OPCML: variants seen among roughly 807,000 people sequenced by gnomAD.
The protein encoded by OPCML is opioid-binding protein/cell adhesion molecule.
In OPCML, 13 loss-of-function variants were observed where a neutral mutation model predicts 37.8. The observed-to-expected ratio is 0.34, with a 90% CI of 0.22 to 0.55. OPCML has a LOEUF of 0.55. Ranked by LOEUF, OPCML falls within the 20% of genes least tolerant of loss-of-function variation. The pLI, the probability that OPCML is intolerant of heterozygous loss-of-function variation, is 0.91. For synonymous variants in OPCML, 176 were observed against 168.8 expected, an observed-to-expected ratio of 1.04 and a Z score of -0.33; for missense variants, 341 against 435.6, an observed-to-expected ratio of 0.78 and a Z score of 1.93.
intron 2 of OPCML, among the ~76,000 whole-genome samples, chr11:132,812,631 G>A (rs1159652327): frequency 6.6e-6 from 1 of 152,104 alleles, no homozygotes; most frequent in African/African-American, 2.4e-5. Context: ...TATTAAAAGT[G>A]GATCCAACAT....
intron 2 of OPCML, among the ~76,000 whole-genome samples, chr11:132,936,789 G>A (rs1406601121): frequency 3.3e-5 from 5 of 152,158 alleles, no homozygotes; most frequent in Admixed American, 3.3e-4. Context: ...ACAAGGGCCT[G>A]AGAACGGATC....
chr11:133,006,907 G>A, intron 1 of OPCML: 3 of 985,436 alleles, frequency 3.0e-6, no homozygotes, highest in Non-Finnish European at 3.6e-6. Flanking sequence ...GGGCCACCTA[G>A]GCTGGTGTAG....
chr11:133,096,571 C>A (rs904372623), intron 1 of OPCML, among the ~76,000 whole-genome samples: 13 of 151,844 alleles, frequency 8.6e-5, no homozygotes, highest in African/African-American at 3.1e-4. Context: ...CTGAAAACAT[C>A]GATTAAAACA....
intron 2 of OPCML, among the ~76,000 whole-genome samples, chr11:132,707,492 T>C (rs1228704576): frequency 6.6e-6 from 1 of 152,196 alleles, no homozygotes; most frequent in Non-Finnish European, 1.5e-5. Flanking sequence ...TATGAGAATA[T>C]AGCAAATGAC....
chr11:132,960,296 G>A (rs1381039732), intron 1 of OPCML, among the ~76,000 whole-genome samples: 1 of 152,176 alleles, frequency 6.6e-6, no homozygotes, highest in Non-Finnish European at 1.5e-5. Flanking sequence ...GAAAGCCCCA[G>A]TCCTTCCCTT....
chr11:132,531,133 A>G (rs2096323899), intron 3 of OPCML, among the ~76,000 whole-genome samples: 1 of 151,902 alleles, frequency 6.6e-6, no homozygotes, highest in Non-Finnish European at 1.5e-5. Flanking sequence ...ACACATCTCT[A>G]CTCCTCAGTG....
intron 3 of OPCML, among the ~76,000 whole-genome samples, chr11:132,649,532 C>G (rs932674246): frequency 6.6e-6 from 1 of 152,050 alleles, no homozygotes; most frequent in African/African-American, 2.4e-5. Context: ...TGTGGGGACA[C>G]CCTCCCAGTG....
intron 1 of OPCML, among the ~76,000 whole-genome samples, chr11:133,430,139 C>T (rs951866939): frequency 5.9e-5 from 9 of 152,040 alleles, no homozygotes; most frequent in Admixed American, 1.3e-4. Context: ...ATACCGCTGA[C>T]AGATCAAATC....
At chr11:132,790,710 G>T (rs537225085) in intron 2 of OPCML, among the ~76,000 whole-genome samples, 1 of 152,300 alleles carries the variant, frequency 6.6e-6, no homozygotes, top group Admixed American at 6.5e-5. Context: ...GCAGATGCTA[G>T]GAAAGGTCTG....
intron 1 of OPCML, chr11:133,300,855 G>A (rs1311579055): frequency 6.6e-6 from 1 of 152,166 alleles, no homozygotes; most frequent in Admixed American, 6.6e-5. Context: ...GGATTGGTGC[G>A]GGCACAAGCC....
At chr11:132,475,611 A>G (rs1489403140) in intron 4 of OPCML, among the ~76,000 whole-genome samples, 2 of 152,206 alleles carry the variant, frequency 1.3e-5, no homozygotes, top group African/African-American at 2.4e-5. Context: ...GAGGGCAGCC[A>G]TCTGCAAGTT....
At chr11:132,701,228 G>A (rs933635036) in intron 2 of OPCML, among the ~76,000 whole-genome samples, 3 of 152,182 alleles carry the variant, frequency 2.0e-5, no homozygotes, top group African/African-American at 7.2e-5. Context: ...GCTAGTGCAG[G>A]AGAACTCTGG....
At position 132,417,467 on chromosome 11, in the gene OPCML, C is replaced by T. The variant is rs755750466; in HGVS notation, c.*2726G>A. 2.6e-5 allele frequency: 4 copies of T among 152,180 alleles called. No homozygotes were observed. The highest frequency in any genetic ancestry group is 4.4e-5 in the Non-Finnish European group (3 of 68,054). 9.4% of individuals were successfully genotyped at this position (152,180 alleles called of 1,614,324 possible). On this transcript the variant is annotated 3_prime_UTR_variant, in exon 8 of 8. Coordinates refer to ENST00000524381, the MANE Select transcript of OPCML (RefSeq NM_001012393.5). ...CTGAAACGTGGCTGGGATAGGTACC[C>T]ACCAGAGGGGCATCTTAGTATCCTT...
chr11:132,481,692 A>C (rs1339234140), intron 4 of OPCML, among the ~76,000 whole-genome samples: 1 of 150,314 alleles, frequency 6.7e-6, no homozygotes, highest in Non-Finnish European at 1.5e-5. Context: ...CAGCAAATGT[A>C]AAAGAACAGA....
At chr11:133,240,930 C>T (rs984168286) in intron 1 of OPCML, among the ~76,000 whole-genome samples, 3 of 152,222 alleles carry the variant, frequency 2.0e-5, no homozygotes, top group African/African-American at 4.8e-5. Flanking sequence ...CGGTCACTAC[C>T]CTCTGCCAAT....
In OPCML at chr11:132,529,155, G is replaced by A. The variant is rs753128145; in HGVS notation, c.411C>T (p.Asp137=). ...VPPQIMNISS[D]ITVNEGSSVT... is the part of the protein sequence containing the mutation. ...CACTGCTTCCCTCATTCACAGTGATGTCTGAGGAGATATTCATGATCTGAG... is the reference window on the plus strand; with the variant it reads ...CACTGCTTCCCTCATTCACAGTGATATCTGAGGAGATATTCATGATCTGAG... Residue 137 remains aspartate, a synonymous_variant, in exon 4 of 8, where the codon GAC becomes GAT. Transcript: ENST00000524381. The A allele has an allele frequency of 3.7e-6, 6 of 1,612,522 alleles. No homozygotes were observed. In the African/African-American group the frequency reaches 6.7e-5, roughly 18 times the overall value.
chr11:133,447,426 T>C (rs1052283193), intron 1 of OPCML, among the ~76,000 whole-genome samples: 4 of 152,236 alleles, frequency 2.6e-5, no homozygotes, highest in Admixed American at 6.5e-5. Flanking sequence ...TTGCCTGGTA[T>C]ATTGTGTGAT....
At chr11:133,007,027 G>C in intron 1 of OPCML, 13 of 985,438 alleles carry the variant, frequency 1.3e-5, no homozygotes, top group Non-Finnish European at 1.6e-5. Context: ...AAACAGGAGA[G>C]AGGAAAGGCA....
chr11:132,569,149 C>G (rs1056056367), intron 3 of OPCML, among the ~76,000 whole-genome samples: 1 of 152,156 alleles, frequency 6.6e-6, no homozygotes, highest in Non-Finnish European at 1.5e-5. Context: ...AAGTTCTAAC[C>G]CCCAGTGCCT....
Sources: allele counts gnomAD v4.1 joint callset (sites outside exome capture counted in the v4.1 genomes callset), GRCh38; gene constraint gnomAD v4.1.1; transcripts MANE v1.5; gene names NCBI Gene and HGNC (gene_info 2026-07-23, HGNC 2026-07-21).